The following REL variants were observed in gnomAD, a reference collection of about 807,000 sequenced individuals.
The protein encoded by REL is REL proto-oncogene, NF-kB subunit, also known as proto-oncogene c-Rel.
REL carries 15 observed loss-of-function variants against 45.9 expected under a neutral mutation model. The ratio of observed to expected loss-of-function variants is 0.33; its 90% CI spans 0.22 to 0.50. The LOEUF (loss-of-function observed/expected upper bound fraction) is 0.50, where lower values mean the gene tolerates loss of function less well. Among genes scored for constraint, REL ranks in the 20% least tolerant of loss-of-function variants. The pLI, the probability that REL is intolerant of heterozygous loss-of-function variation, is 0.98. For missense variants in REL, 601 were observed against 715.2 expected (o/e 0.84, Z 1.82); for synonymous variants, 239 against 242.1 (o/e 0.99, Z 0.12).
At chr2:60,891,330 G>A (rs1558789461) in intron 1 of REL, among the ~76,000 whole-genome samples, 2 of 152,118 alleles carry the variant, frequency 1.3e-5, no homozygotes, top group African/African-American at 4.8e-5. Flanking sequence ...CCTTCTTGGG[G>A]AATCTTGGGG....
intron 4 of REL, among the ~76,000 whole-genome samples, chr2:60,905,615 T>A (rs1673626181): frequency 1.3e-5 from 2 of 152,188 alleles, no homozygotes; most frequent in South Asian, 4.2e-4. Flanking sequence ...GCCAAAAGTA[T>A]CTGTTCGGGT....
At chr2:60,904,121 G>A (rs2103952727) in intron 4 of REL, among the ~76,000 whole-genome samples, 1 of 151,738 alleles carries the variant, frequency 6.6e-6, no homozygotes, top group Non-Finnish European at 1.5e-5. Flanking sequence ...GAAAATGGAA[G>A]CATAGAAAAG....
At chr2:60,897,831 A>C (rs937439737) in intron 3 of REL, among the ~76,000 whole-genome samples, 1 of 151,144 alleles carries the variant, frequency 6.6e-6, no homozygotes, top group African/African-American at 2.4e-5. Flanking sequence ...GTTTGAGTCC[A>C]GCCTGGGCAA....
chr2:60,922,676 A>G lies in REL; in HGVS notation c.*141A>G. On this transcript the variant is annotated 3_prime_UTR_variant, in exon 10 of 10. Coordinates refer to ENST00000394479, the MANE Select transcript of REL (RefSeq NM_001291746.2). The stretch of plus-strand genomic sequence containing the variant: ...AGAATATAATACTGTATTTGAGAAT[A>G]TAAAAAACTTTTTTCAGGGAAGAAG... The G allele has an allele frequency of 7.7e-7, 1 of 1,306,460 alleles. No individual in the cohort carries two copies. The highest frequency in any genetic ancestry group is 9.7e-7 in the Non-Finnish European group (1 of 1,030,194). 80.9% of individuals were successfully genotyped at this position (1,306,460 alleles called of 1,614,324 possible).
Position 60,925,073 on chromosome 2 carries a change from T to G in REL, c.*2538T>G, listed in dbSNP as rs984908646. ...ATTGTAAGGGTTAATTAGATCATTATATTTTATTATTACAGATTAAAGTTG... is the reference window on the plus strand; with the variant it reads ...ATTGTAAGGGTTAATTAGATCATTAGATTTTATTATTACAGATTAAAGTTG... On this transcript the variant is annotated 3_prime_UTR_variant, in exon 10 of 10. Transcript: ENST00000394479. The G allele has an allele frequency of 1.0e-5, 2 of 197,562 alleles. No individual in the cohort carries two copies. The highest frequency in any genetic ancestry group is 2.3e-5 in the African/African-American group (1 of 43,334). 12.2% of individuals were successfully genotyped at this position (197,562 alleles called of 1,614,324 possible). A position where few individuals can be genotyped will look rare whatever the true frequency, so the allele number is the denominator to read the frequency against.
rs555270034 is a variant in REL, at chr2:60,931,458, A to G, written c.*8923A>G. Reference sequence around the variant, plus strand: ...AGTGATTTTTTTAAAGTTCTCAGGTACTGTTCAATTATTTAATGTTAAGTT... The same window carrying G: ...AGTGATTTTTTTAAAGTTCTCAGGTGCTGTTCAATTATTTAATGTTAAGTT... On this transcript the variant is annotated 3_prime_UTR_variant, in exon 10 of 10. Transcript: ENST00000394479. The G allele has an allele frequency of 3.9e-5, 6 of 152,450 alleles. No homozygotes were observed. In the South Asian group the frequency reaches 1.2e-3, roughly 32 times the overall value. 9.4% of individuals were successfully genotyped at this position (152,450 alleles called of 1,614,324 possible).
chr2:60,888,517 A>G (rs777296441), intron 1 of REL, among the ~76,000 whole-genome samples: 19 of 152,354 alleles, frequency 1.2e-4, no homozygotes, highest in South Asian at 4.1e-4. Context: ...TGAAATTGCA[A>G]TGTGAATTTG....
rs1674378460 is a variant in REL at position 60,931,316 on chromosome 2, T to TA, written c.*8785dup. On this transcript the variant is annotated 3_prime_UTR_variant, in exon 10 of 10. Transcript: ENST00000394479. ...GATTTCTGTTTTAAAAGTATGTACT[T>TA]AAAATACCTTTGGCTGTGATGAATG... The TA allele has an allele frequency of 1.3e-5, 2 of 152,342 alleles. No individual in the cohort carries two copies. The highest frequency in any genetic ancestry group is 6.5e-5 in the Admixed American group (1 of 15,272). The allele number at this position is 152,342 out of a possible 1,614,324, so 9.4% of individuals were successfully genotyped here. A position where few individuals can be genotyped will look rare whatever the true frequency, so the allele number is the denominator to read the frequency against.
In REL at chr2:60,894,408, T is replaced by C. The variant is rs192351726; in HGVS notation, c.165T>C (p.Tyr55=). The C allele has an allele frequency of 1.4e-5, 22 of 1,547,810 alleles. No homozygotes were observed. In the South Asian group the frequency reaches 2.4e-4, roughly 17 times the overall value. ...RTYPSIQIMN[Y]YGKGKVRITL... Reference sequence around the variant, plus strand: ...CCCCCTTTTTTCAGATTATGAACTATTATGGAAAAGGAAAAGTGAGAATTA... The same window carrying C: ...CCCCCTTTTTTCAGATTATGAACTACTATGGAAAAGGAAAAGTGAGAATTA... The change falls in exon 3 of 10, where the codon TAT becomes TAC. Residue 55 remains tyrosine (Y), a synonymous_variant. Transcript: ENST00000394479.
rs761338053 is a variant in REL at position 60,918,544 on chromosome 2, G to A, written c.791G>A (p.Arg264Gln). 1.4e-5 allele frequency: 22 copies of A among 1,613,908 alleles called. No homozygotes were observed. The highest frequency in any genetic ancestry group is 8.3e-5 in the Admixed American group (5 of 59,996). ...CCCGTAACAGTAAAAATGCAGTTGC[G>A]GAGACCTTCTGACCAGGAAGTTAGT... ...TEPVTVKMQL[R>Q]RPSDQEVSES... Residue 264 changes from arginine to glutamine, a missense_variant, in exon 7 of 10, where the codon CGG (arginine) becomes CAG (glutamine). Transcript: ENST00000394479.
intron 4 of REL, among the ~76,000 whole-genome samples, chr2:60,913,348 A>G (rs1238106731): frequency 6.6e-6 from 1 of 152,112 alleles, no homozygotes; most frequent in Non-Finnish European, 1.5e-5. Flanking sequence ...TCTGTGAAAA[A>G]GAGTAAAGAT....
At chr2:60,899,732 T>G (rs1163381542) in intron 3 of REL, 1 of 152,314 alleles carries the variant, frequency 6.6e-6, no homozygotes, top group Non-Finnish European at 1.5e-5. Flanking sequence ...GATGTCATGG[T>G]TTTTCCATGT....
rs1673979104 is a variant in REL at position 60,916,908 on chromosome 2, T to C, written c.426T>C (p.Asp142=). The change falls in exon 5 of 10, where the codon GAT becomes GAC. Residue 142 remains aspartate (D), a synonymous_variant. Coordinates refer to ENST00000394479, the MANE Select transcript of REL (RefSeq NM_001291746.2). ...AAAAACAGCTGAATGATATTGAAGA[T>C]TGTGACCTCAATGTGGTGAGACTGT... ...VPEKQLNDIE[D]CDLNVVRLCF... is the part of the protein sequence containing the mutation. The C allele has an allele frequency of 6.2e-7, 1 of 1,613,430 alleles. No homozygotes were observed. Among genetic ancestry groups the C allele is most frequent in the African/African-American group, 1.3e-5 (1 of 75,022 alleles).
At chr2:60,887,740 G>T (rs1212463200) in intron 1 of REL, among the ~76,000 whole-genome samples, 1 of 150,822 alleles carries the variant, frequency 6.6e-6, no homozygotes, top group East Asian at 2.0e-4. Flanking sequence ...AGCTTCTGCA[G>T]TAGGAAAAAT....
At chr2:60,908,215 G>T (rs960110556) in intron 4 of REL, among the ~76,000 whole-genome samples, 15 of 152,096 alleles carry the variant, frequency 9.9e-5, no homozygotes, top group Admixed American at 2.6e-4. Flanking sequence ...GTCTGTGATG[G>T]AATCTTGTTT....
intron 3 of REL, chr2:60,899,648 A>G (rs1673444350): frequency 6.6e-6 from 1 of 152,360 alleles, no homozygotes; most frequent in Non-Finnish European, 1.5e-5. Context: ...TGCAAGTGCC[A>G]TGTGAAGTTT....
rs1456930997 is a variant in REL, at chr2:60,931,169, A to G, written c.*8634A>G. On this transcript the variant is annotated 3_prime_UTR_variant, in exon 10 of 10. Transcript: ENST00000394479. The stretch of plus-strand genomic sequence containing the variant: ...ATTTTTACTGGGTAATTAGCTAATA[A>G]TGTTGGTCACTGTCTCACAGTTCAA... 1.3e-5 allele frequency: 2 copies of G among 152,176 alleles called. No individual in the cohort carries two copies. The highest frequency in any genetic ancestry group is 2.4e-5 in the African/African-American group (1 of 41,274). 9.4% of individuals were successfully genotyped at this position (152,176 alleles called of 1,614,324 possible).
rs1369998821 is a variant in REL at position 60,930,260 on chromosome 2, T to A, written c.*7725T>A. 6.6e-6 allele frequency: 1 copy of A among 152,364 alleles called. No homozygotes were observed. 9.4% of individuals were successfully genotyped at this position (152,364 alleles called of 1,614,324 possible). A position where few individuals can be genotyped will look rare whatever the true frequency, so the allele number is the denominator to read the frequency against. ...TAAACCAATATCTGTATATCCTATGTCCCGGATTAATCTTTAATTTAGATA... is the reference window on the plus strand; with the variant it reads ...TAAACCAATATCTGTATATCCTATGACCCGGATTAATCTTTAATTTAGATA... On this transcript the variant is annotated 3_prime_UTR_variant, in exon 10 of 10. Transcript: ENST00000394479.
intron 8 of REL, chr2:60,920,362 G>A (rs774417109): frequency 1.3e-4 from 80 of 618,012 alleles, no homozygotes; most frequent in Non-Finnish European, 1.8e-4. Flanking sequence ...CACCACACCC[G>A]GCTAATTTTT....
Sources: gnomAD v4.1 joint callset for allele counts (sites outside exome capture counted in the v4.1 genomes callset) on GRCh38, gnomAD v4.1.1 for gene constraint, MANE v1.5 for transcripts, NCBI Gene and HGNC (gene_info 2026-07-23, HGNC 2026-07-21) for gene names.